Variants in AMZ1 observed in about 807,000 individuals in gnomAD.
The protein encoded by AMZ1 is archaemetzincin-1.
AMZ1 carries 39 observed loss-of-function variants against 29.9 expected under a neutral mutation model. The ratio of observed to expected loss-of-function variants is 1.30; its 90% CI spans 1.01 to 1.70. The LOEUF is 1.70. Ranked by LOEUF, AMZ1 falls within the 40% of genes most tolerant of loss-of-function variation. The pLI, the probability that AMZ1 is intolerant of heterozygous loss-of-function variation, is 0.00. For synonymous variants in AMZ1, 458 were observed against 304.0 expected (o/e 1.51, Z -5.27); for missense variants, 1,041 against 680.6 (o/e 1.53, Z -5.89).
intron 1 of AMZ1, among the ~76,000 whole-genome samples, chr7:2,693,442 C>T (rs1401451939): frequency 2.6e-5 from 4 of 152,116 alleles, no homozygotes; most frequent in Non-Finnish European, 4.4e-5. Flanking sequence ...TGCAGTGGTG[C>T]GATCACAGCT....
At position 2,718,904 on chromosome 7, in the gene AMZ1, C is replaced by T. The variant is rs920360921; in HGVS notation, c.*6026C>T. Among the ~76,000 whole-genome samples, 2 of 152,132 alleles carry T rather than the reference C, an allele frequency of 1.3e-5. No homozygotes were observed. Among genetic ancestry groups the T allele is most frequent in the African/African-American group, 4.8e-5 (2 of 41,422 alleles). On this transcript the variant is annotated 3_prime_UTR_variant, in exon 7 of 7. Coordinates refer to ENST00000683327, the MANE Select transcript of AMZ1 (RefSeq NM_001384743.1). ...TGGAAGAGGCAGAGAACACGCTTTT[C>T]TCAGGGTCGCTTAACACAGGCAGGG...
downstream of AMZ1, among the ~76,000 whole-genome samples, chr7:2,723,343 G>A (rs1415927441): frequency 1.3e-5 from 2 of 152,238 alleles, no homozygotes; most frequent in Non-Finnish European, 2.9e-5. Context: ...GGGTGAGCGG[G>A]AGAGCCACAA....
chr7:2,741,796 C>T (rs1388933358), intron 4 of AMZ1, among the ~76,000 whole-genome samples: 1 of 151,328 alleles, frequency 6.6e-6, no homozygotes, highest in Non-Finnish European at 1.5e-5. Flanking sequence ...CTTCTACAAC[C>T]ACGGCAACTT....
Position 2,715,817 on chromosome 7 carries a change from G to A in AMZ1, c.*2939G>A, listed in dbSNP as rs1789089680. 6.6e-6 allele frequency: 1 copy of A among 152,218 alleles called. No individual in the cohort carries two copies. Among genetic ancestry groups the A allele is most frequent in the Admixed American group, 6.5e-5 (1 of 15,280 alleles). The allele number at this position is 152,218 out of a possible 1,614,324, so 9.4% of individuals were successfully genotyped here. On this transcript the variant is annotated 3_prime_UTR_variant, in exon 7 of 7. Coordinates refer to ENST00000683327, the MANE Select transcript of AMZ1 (RefSeq NM_001384743.1). ...AATGAGGGCTGCCTTCTCGAGGAAGGTCACAGCTCACGAATCTTTCTAAAC... is the reference window on the plus strand; with the variant it reads ...AATGAGGGCTGCCTTCTCGAGGAAGATCACAGCTCACGAATCTTTCTAAAC...
chr7:2,701,837 G>C (rs1288141175), intron 2 of AMZ1, among the ~76,000 whole-genome samples: 1 of 152,204 alleles, frequency 6.6e-6, no homozygotes, highest in Non-Finnish European at 1.5e-5. Flanking sequence ...CAAATCCTGC[G>C]GGTGTCCGTT....
chr7:2,703,419 GC>G (rs1480679360), intron 3 of AMZ1, among the ~76,000 whole-genome samples: 12 of 152,306 alleles, frequency 7.9e-5, no homozygotes, highest in African/African-American at 2.9e-4. Flanking sequence ...GGGATGACAG[GC>G]GTGAGTCACC....
intron 4 of AMZ1, among the ~76,000 whole-genome samples, chr7:2,724,697 C>A (rs1055832588): frequency 6.6e-6 from 1 of 152,198 alleles, no homozygotes; most frequent in Non-Finnish European, 1.5e-5. Context: ...CCTCCTTGAA[C>A]CTGCTTAAGA....
intron 1 of AMZ1, among the ~76,000 whole-genome samples, chr7:2,698,566 G>T (rs1414863406): frequency 6.6e-6 from 1 of 151,904 alleles, no homozygotes; most frequent in Non-Finnish European, 1.5e-5. Flanking sequence ...GGGGCTCGGG[G>T]GGTCTGTGTG....
At chr7:2,688,629 G>A (rs1787196323) in intron 1 of AMZ1, among the ~76,000 whole-genome samples, 1 of 152,204 alleles carries the variant, frequency 6.6e-6, no homozygotes, top group African/African-American at 2.4e-5. Flanking sequence ...GCAAACTGGG[G>A]ACGGGTCGGG....
rs956128587 is a variant in AMZ1 at position 2,717,323 on chromosome 7, T to C, written c.*4445T>C. Reference sequence around the variant, plus strand: ...CGCGACGGGGCTCATAGACCTGAACTGGGTCTGCCTGCCTGTGTGCTGGAA... The same window carrying C: ...CGCGACGGGGCTCATAGACCTGAACCGGGTCTGCCTGCCTGTGTGCTGGAA... On this transcript the variant is annotated 3_prime_UTR_variant, in exon 7 of 7. Transcript: ENST00000683327. Among the ~76,000 whole-genome samples, 2 of 152,252 alleles carry C rather than the reference T, an allele frequency of 1.3e-5. No homozygotes were observed. The highest frequency in any genetic ancestry group is 4.8e-5 in the African/African-American group (2 of 41,478).
At chr7:2,711,847 C>T (rs191975231) in intron 6 of AMZ1, among the ~76,000 whole-genome samples, 114 of 152,216 alleles carry the variant, frequency 7.5e-4, no homozygotes, top group African/African-American at 2.7e-3. Context: ...AGTTTGAGAC[C>T]AGCCTGGCTA....
At chr7:2,724,703 TAAGAAA>T (rs1789553539) in intron 4 of AMZ1, among the ~76,000 whole-genome samples, 1 of 152,194 alleles carries the variant, frequency 6.6e-6, no homozygotes, top group Non-Finnish European at 1.5e-5. Flanking sequence ...TGAACCTGCT[TAAGAAA>T]AAGCACCTAA....
chr7:2,761,866 C>T (rs1332206199), upstream of AMZ1, among the ~76,000 whole-genome samples: 1 of 152,186 alleles, frequency 6.6e-6, no homozygotes, highest in South Asian at 2.1e-4. Context: ...TAGGTCACAA[C>T]GTAAAATTCG....
Position 2,679,947 on chromosome 7 carries a change from G to A in AMZ1, c.-219+276G>A, listed in dbSNP as rs567036245. Among the ~76,000 whole-genome samples the A allele has an allele frequency of 3.3e-4, 50 of 152,354 alleles. 1 individual carries two copies. In the South Asian group the frequency reaches 6.6e-3, roughly 20 times the overall value. The stretch of plus-strand genomic sequence containing the variant: ...GTGAAGGGTGCCTCGTAGGCAGAGG[G>A]ACCCCGGAGGTAGGAACTAGGGATG... On this transcript the variant is annotated intron_variant, in intron 1 of 6. Transcript: ENST00000312371.
Position 2,709,753 on chromosome 7 carries a change from C to A in AMZ1, c.885C>A (p.Leu295=), listed in dbSNP as rs1460300005. ...LDEALRRPLD[L]CPICLRKLQH... is the part of the protein sequence containing the mutation. ...AGGCCCTGCGGCGGCCCCTGGACCT[C>A]TGTCCCATCTGCCTGAGGAAGCTGC... Residue 295 remains leucine (L), a synonymous_variant, in exon 6 of 7, where the codon CTC becomes CTA. Coordinates refer to ENST00000683327, the MANE Select transcript of AMZ1 (RefSeq NM_001384743.1). The A allele has an allele frequency of 3.1e-6, 5 of 1,611,668 alleles. No individual in the cohort carries two copies. The highest frequency in any genetic ancestry group is 4.2e-6 in the Non-Finnish European group (5 of 1,179,876).
chr7:2,740,505 T>C (rs1790446482), intron 4 of AMZ1, among the ~76,000 whole-genome samples: 1 of 152,126 alleles, frequency 6.6e-6, no homozygotes, highest in Non-Finnish European at 1.5e-5. Flanking sequence ...CAATTTCCAA[T>C]CTCCAGAGCT....
At chr7:2,725,551 T>C (rs552441832) in intron 4 of AMZ1, among the ~76,000 whole-genome samples, 2 of 152,304 alleles carry the variant, frequency 1.3e-5, no homozygotes, top group South Asian at 4.1e-4. Flanking sequence ...TGAGAAGCCA[T>C]AGGGCAGGTC....
At chr7:2,692,101 A>G (rs1787424448) in intron 1 of AMZ1, among the ~76,000 whole-genome samples, 1 of 152,198 alleles carries the variant, frequency 6.6e-6, no homozygotes, top group Non-Finnish European at 1.5e-5. Flanking sequence ...CAGAAACTAC[A>G]AAAATAAGCT....
rs558809902 is a variant in AMZ1 at position 2,744,269 on chromosome 7, C to T, written n.551-20443C>T. Among the ~76,000 whole-genome samples, 18 of 152,338 alleles carry T rather than the reference C, an allele frequency of 1.2e-4. No homozygotes were observed. In the South Asian group the frequency reaches 3.7e-3, roughly 32 times the overall value. ...AGTAGCCTAACTGGGAGGCACCCCC[C>T]AGTAGGGGCGGACTGACACCTCACA... On this transcript the variant is annotated intron_variant and non_coding_transcript_variant, in intron 4 of 4. Transcript: ENST00000489665.
Sources: allele counts gnomAD v4.1 joint callset (sites outside exome capture counted in the v4.1 genomes callset), GRCh38; gene constraint gnomAD v4.1.1; transcripts MANE v1.5; gene names NCBI Gene and HGNC (gene_info 2026-07-23, HGNC 2026-07-21).